Variants in ESYT2 observed in about 807,000 individuals in gnomAD.
ESYT2 encodes extended synaptotagmin 2, also known as extended synaptotagmin-2.
ESYT2 carries 54 observed loss-of-function variants against 107.2 expected under a neutral mutation model. The ratio of observed to expected loss-of-function variants is 0.50; its 90% confidence interval spans 0.40 to 0.63. The LOEUF is 0.63. Ranked by LOEUF, ESYT2 falls within the 30% of genes least tolerant of loss-of-function variation. ESYT2 has a pLI of 0.00. For missense variants in ESYT2, 1,020 were observed against 1,094.5 expected (o/e 0.93, Z 0.96); for synonymous variants, 491 against 434.1 (o/e 1.13, Z -1.63).
At chr7:158,751,810 T>G (rs1348728585) in intron 14 of ESYT2, among the ~76,000 whole-genome samples, 1 of 152,210 alleles carries the variant, frequency 6.6e-6, no homozygotes, top group African/African-American at 2.4e-5. Context: ...TTTCAGGGCC[T>G]TCAGCCTTAA....
chr7:158,811,015 T>G (rs1839979863), intron 1 of ESYT2, among the ~76,000 whole-genome samples: 1 of 148,910 alleles, frequency 6.7e-6, no homozygotes, highest in African/African-American at 2.5e-5. Flanking sequence ...ACAAAAGGGG[T>G]AAGGCGCAGT....
intron 1 of ESYT2, among the ~76,000 whole-genome samples, chr7:158,806,092 G>A (rs1839819919): frequency 6.6e-6 from 1 of 152,110 alleles, no homozygotes; most frequent in Non-Finnish European, 1.5e-5. Flanking sequence ...AGGCGCCGGG[G>A]CACACCGCGT....
chr7:158,829,160 C>A lies in ESYT2; in HGVS notation c.259G>T (p.Ala87Ser). Residue 87 changes from alanine to serine, a missense_variant, in exon 1 of 23, where the codon GCG (alanine) becomes TCG (serine). Coordinates refer to ENST00000275418, the MANE Select transcript of ESYT2 (RefSeq NM_001367773.1). ...RGLKALRLCR[A>S]LALLEDEERV... ...TCCTCGTCTTCCAGCAGCGCCAGCG[C>A]GCGGCACAGGCGCAGGGCCTTGAGG... The A allele has an allele frequency of 6.4e-7, 1 of 1,556,312 alleles. No homozygotes were observed. The highest frequency in any genetic ancestry group is 1.4e-5 in the African/African-American group (1 of 72,488).
intron 1 of ESYT2, among the ~76,000 whole-genome samples, chr7:158,799,496 A>T (rs1314194075): frequency 1.3e-5 from 2 of 152,194 alleles, no homozygotes; most frequent in Non-Finnish European, 2.9e-5. Flanking sequence ...GTGGTGGCCC[A>T]AACCTGCAAG....
At chr7:158,739,943 C>T (rs760991826) in intron 18 of ESYT2, among the ~76,000 whole-genome samples, 4 of 152,192 alleles carry the variant, frequency 2.6e-5, no homozygotes, top group Non-Finnish European at 4.4e-5. Flanking sequence ...AAGCCTCACA[C>T]CCAACGCTTA....
chr7:158,814,109 T>C (rs1372898504), intron 1 of ESYT2, among the ~76,000 whole-genome samples: 2 of 151,610 alleles, frequency 1.3e-5, no homozygotes, highest in South Asian at 2.1e-4. Context: ...CTGTCTCTAC[T>C]AGAAAATACA....
At chr7:158,795,318 T>G (rs1839425081) in intron 3 of ESYT2, among the ~76,000 whole-genome samples, 1 of 152,284 alleles carries the variant, frequency 6.6e-6, no homozygotes, top group Admixed American at 6.5e-5. Context: ...ACTCTTGCTA[T>G]TCTCCAAGGA....
chr7:158,823,942 C>T (rs1016351044), intron 1 of ESYT2, among the ~76,000 whole-genome samples: 17 of 152,094 alleles, frequency 1.1e-4, no homozygotes, highest in African/African-American at 4.1e-4. Context: ...TAGCTCTATA[C>T]CCTCCCATCC....
Position 158,829,080 on chromosome 7 carries a change from T to C in ESYT2, c.330+9A>G. Reference sequence around the variant, plus strand: ...TCAGGGGTCGGGACGGGCAGGGGTCTGCACTCACCCAGGCGGGCAGGTCGC... The same window carrying C: ...TCAGGGGTCGGGACGGGCAGGGGTCCGCACTCACCCAGGCGGGCAGGTCGC... On this transcript the variant is annotated intron_variant, in intron 1 of 22. Transcript: ENST00000275418. 1.3e-6 allele frequency: 2 copies of C among 1,583,760 alleles called. No individual in the cohort carries two copies. Among genetic ancestry groups the C allele is most frequent in the Non-Finnish European group, 1.7e-6 (2 of 1,174,122 alleles).
chr7:158,773,574 TC>T (rs1247075588), intron 6 of ESYT2, among the ~76,000 whole-genome samples, 178 bp from the exon 7 acceptor site: 1 of 152,218 alleles, frequency 6.6e-6, no homozygotes, highest in African/African-American at 2.4e-5. Context: ...GAGACCTGCC[TC>T]TTTTTGTTTT....
Position 158,760,146 on chromosome 7 carries a change from C to A in ESYT2, c.1235G>T (p.Trp412Leu). Residue 412 changes from tryptophan to leucine, a missense_variant and splice_region_variant, in exon 12 of 23, where the codon TGG (tryptophan) becomes TTG (leucine). Coordinates refer to ENST00000275418, the MANE Select transcript of ESYT2 (RefSeq NM_001367773.1). The stretch of plus-strand genomic sequence containing the variant: ...CTTGGGAACCTCGTCCAGAGTGAAC[C>A]ACTGAAGAGAAAAAATGTTTACGTT... ...EVEKERLLDE[W>L]FTLDEVPKGK... 1 of 1,613,756 alleles carries A rather than the reference C, an allele frequency of 6.2e-7. No individual in the cohort carries two copies. The highest frequency in any genetic ancestry group is 8.5e-7 in the Non-Finnish European group (1 of 1,179,776).
rs191485228 is a variant in ESYT2 at position 158,734,216 on chromosome 7, C to T, written c.2592G>A (p.Ala864=). 1.7e-5 allele frequency: 27 copies of T among 1,614,116 alleles called. No individual in the cohort carries two copies. Among genetic ancestry groups the T allele is most frequent in the East Asian group, 4.5e-5 (2 of 44,888 alleles). Residue 864 remains alanine, a synonymous_variant, in exon 23 of 23, where the codon GCG becomes GCA. Coordinates refer to ENST00000275418, the MANE Select transcript of ESYT2 (RefSeq NM_001367773.1). ...CTCCTGCCTGCTGCGGCTATGTCAT[C>T]GCCTGAGGCCTCGTCCCATCTTCCG... ...DLTEDGTRPQ[A]MT
At chr7:158,825,496 ACT>A (rs899970582) in intron 1 of ESYT2, among the ~76,000 whole-genome samples, 2 of 152,116 alleles carry the variant, frequency 1.3e-5, no homozygotes, top group African/African-American at 4.8e-5. Context: ...GAATAACAAC[ACT>A]GTTTATATTA....
chr7:158,753,533 A>T (rs774932759), intron 13 of ESYT2, among the ~76,000 whole-genome samples: 1 of 151,986 alleles, frequency 6.6e-6, no homozygotes, highest in Non-Finnish European at 1.5e-5. Flanking sequence ...AGTATTCAAG[A>T]TTAAAGAATT....
At chr7:158,740,191 A>G (rs1392599235) in intron 18 of ESYT2, among the ~76,000 whole-genome samples, 1 of 152,134 alleles carries the variant, frequency 6.6e-6, no homozygotes, top group East Asian at 1.9e-4. Context: ...TGTTCTAGAG[A>G]GGCTGGGCAC....
chr7:158,784,889 A>G (rs1839054865), intron 6 of ESYT2, among the ~76,000 whole-genome samples: 1 of 152,192 alleles, frequency 6.6e-6, no homozygotes, highest in African/African-American at 2.4e-5. Context: ...AAGTTGGTGG[A>G]TGAACATGTT....
intron 6 of ESYT2, among the ~76,000 whole-genome samples, chr7:158,786,683 TAGTTTATGTCAGGTGTAG>T (rs745649303): frequency 4.6e-5 from 7 of 152,086 alleles, no homozygotes; most frequent in Non-Finnish European, 8.8e-5. Context: ...GTAGTAAACT[TAGTTTATGTCAGGTGTAG>T]ATAAACCCGT....
At chr7:158,793,569 T>G (rs1397735994) in intron 4 of ESYT2, 81 bp downstream of exon 4, 2 of 1,016,654 alleles carry the variant, frequency 2.0e-6, no homozygotes, top group South Asian at 1.4e-5. Flanking sequence ...GTGTGCTCAC[T>G]GTATCCTCCA....
Position 158,773,322 on chromosome 7 carries a change from G to A in ESYT2, c.803+19C>T, listed in dbSNP as rs759015626. On this transcript the variant is annotated intron_variant, in intron 7 of 22. Coordinates refer to ENST00000275418, the MANE Select transcript of ESYT2 (RefSeq NM_001367773.1). ...ACGCCCTCGAACGCTAAGCCTCCGG[G>A]ACCAGACACGAGACTTACTTCAATC... 3.7e-6 allele frequency: 6 copies of A among 1,613,916 alleles called. No homozygotes were observed. The highest frequency in any genetic ancestry group is 3.3e-5 in the Admixed American group (2 of 60,002).
Sources: gnomAD v4.1 joint callset for allele counts (sites outside exome capture counted in the v4.1 genomes callset) on GRCh38, gnomAD v4.1.1 for gene constraint, MANE v1.5 for transcripts, NCBI Gene and HGNC (gene_info 2026-07-23, HGNC 2026-07-21) for gene names.